Variants in JPH2 observed in about 807,000 individuals in gnomAD.
JPH2 encodes the protein junctophilin-2.
JPH2 carries 38 observed loss-of-function variants against 55.9 expected under a neutral mutation model. The ratio of observed to expected loss-of-function variants is 0.68; its 90% CI spans 0.52 to 0.89. The LOEUF is 0.89. Ranked by LOEUF, JPH2 falls within the 40% of genes least tolerant of loss-of-function variation. The probability of loss-of-function intolerance (pLI) is 0.00; values close to 1 mark genes in which losing one functional copy is unlikely to be tolerated. For missense variants in JPH2, 964 were observed against 1,037.6 expected (o/e 0.93, Z 0.97); for synonymous variants, 480 against 472.4 (o/e 1.02, Z -0.21).
intron 1 of JPH2, among the ~76,000 whole-genome samples, chr20:44,173,844 C>T (rs1298186781): frequency 7.2e-5 from 11 of 152,064 alleles, no homozygotes; most frequent in East Asian, 5.8e-4. Flanking sequence ...ACCCAGGAGA[C>T]GGAGGTTGCA....
At chr20:44,148,194 C>CAAAA (rs1379113901) in intron 2 of JPH2, among the ~76,000 whole-genome samples, 1 of 151,962 alleles carries the variant, frequency 6.6e-6, no homozygotes, top group African/African-American at 2.4e-5. Flanking sequence ...CAAAAACAAA[C>CAAAA]AAAAAAACCT....
intron 1 of JPH2, among the ~76,000 whole-genome samples, chr20:44,179,634 T>A (rs1164694112): frequency 6.6e-6 from 1 of 152,206 alleles, no homozygotes; most frequent in Non-Finnish European, 1.5e-5. Flanking sequence ...GTTGTCCCCA[T>A]CTTAAAATTC....
At position 44,106,904 on chromosome 20, in the gene JPH2, G is replaced by A. The variant is rs1207088047; in HGVS notation, c.*6614C>T. Among the ~76,000 whole-genome samples, 1 of 152,124 alleles carries A rather than the reference G, an allele frequency of 6.6e-6. No individual in the cohort carries two copies. Among genetic ancestry groups the A allele is most frequent in the Non-Finnish European group, 1.5e-5 (1 of 68,022 alleles). ...AGCCAAACCATATCACCCAGTAACA[G>A]AGCAAGGGAGGGGTATAAAAGCCCA... On this transcript the variant is annotated 3_prime_UTR_variant, in exon 6 of 6. Transcript: ENST00000372980.
At position 44,114,814 on chromosome 20, in the gene JPH2, A is replaced by G. The variant is rs6093935; in HGVS notation, c.2073T>C (p.Phe691=). ...ILLNIGLAIL[F]VHLLT ...GCGACGGTCAGGTCAGGAGGTGAAC[A>G]AAGAGGATGGCCAGGCCGATGTTCA... Residue 691 remains phenylalanine, a synonymous_variant, in exon 5 of 6, where the codon TTT becomes TTC. Coordinates refer to ENST00000372980, the MANE Select transcript of JPH2 (RefSeq NM_020433.5). The G allele has an allele frequency of 0.3, 475,432 of 1,604,238 alleles. 75,081 individuals carry two copies. Among genetic ancestry groups the G allele is most frequent in the African/African-American group, 0.46 (34,261 of 74,722 alleles).
intron 1 of JPH2, among the ~76,000 whole-genome samples, chr20:44,164,060 A>G (rs2072636069): frequency 6.6e-6 from 1 of 152,248 alleles, no homozygotes; most frequent in African/African-American, 2.4e-5. Flanking sequence ...TGTTCAGAGA[A>G]GTTATGTGAC....
chr20:44,139,708 T>G (rs2072442068), intron 2 of JPH2, among the ~76,000 whole-genome samples: 1 of 152,182 alleles, frequency 6.6e-6, no homozygotes, highest in Non-Finnish European at 1.5e-5. Context: ...TGGTCAAATA[T>G]TAGCAATTTC....
intron 2 of JPH2, among the ~76,000 whole-genome samples, chr20:44,141,512 G>GTT (rs34441989): frequency 5.5e-4 from 82 of 147,870 alleles, no homozygotes; most frequent in East Asian, 4.0e-3. Flanking sequence ...AGTAGAAGCA[G>GTT]TTTTTTTTTT....
chr20:44,150,658 G>A (rs1423381271), intron 2 of JPH2, among the ~76,000 whole-genome samples: 1 of 152,198 alleles, frequency 6.6e-6, no homozygotes, highest in Admixed American at 6.5e-5. Context: ...ATCAAGACCA[G>A]CCTCTGGCAT....
intron 2 of JPH2, among the ~76,000 whole-genome samples, chr20:44,140,404 C>A (rs2072446849): frequency 6.6e-6 from 1 of 152,150 alleles, no homozygotes; most frequent in South Asian, 2.1e-4. Context: ...GGGGCCTCCA[C>A]CCCTTGGGCC....
intron 1 of JPH2, among the ~76,000 whole-genome samples, chr20:44,169,964 C>A (rs2072685577): frequency 6.6e-6 from 1 of 152,166 alleles, no homozygotes; most frequent in African/African-American, 2.4e-5. Context: ...CCTGATATGA[C>A]CCCTTGACCT....
At chr20:44,175,874 G>T (rs1183971953) in intron 1 of JPH2, among the ~76,000 whole-genome samples, 1 of 152,170 alleles carries the variant, frequency 6.6e-6, no homozygotes, top group Non-Finnish European at 1.5e-5. Context: ...AAGGTCAAGG[G>T]GAGAGGGTCT....
At chr20:44,176,771 G>T (rs1000469245) in intron 1 of JPH2, 86 of 720,404 alleles carry the variant, frequency 1.2e-4, no homozygotes, top group Non-Finnish European at 1.4e-4. Flanking sequence ...TCCAGCCTGG[G>T]TGACAGAGCA....
At chr20:44,155,899 G>T (rs146420650) in intron 2 of JPH2, among the ~76,000 whole-genome samples, 63 of 152,208 alleles carry the variant, frequency 4.1e-4, no homozygotes, top group African/African-American at 1.5e-3. Context: ...AGCCAGGTGT[G>T]GTGGCGCACA....
At chr20:44,134,798 T>A (rs2072392090) in intron 2 of JPH2, among the ~76,000 whole-genome samples, 1 of 99,358 alleles carries the variant, frequency 1.0e-5, no homozygotes, top group Non-Finnish European at 1.9e-5. Flanking sequence ...AAATATACAT[T>A]TATTATAAAT....
intron 2 of JPH2, among the ~76,000 whole-genome samples, chr20:44,143,325 T>A (rs1465764615): frequency 6.6e-6 from 1 of 152,060 alleles, no homozygotes; most frequent in East Asian, 1.9e-4. Context: ...CTACCCCTAG[T>A]TTCCCCCGTA....
At chr20:44,146,794 GC>G (rs2072496845) in intron 2 of JPH2, among the ~76,000 whole-genome samples, 2 of 152,224 alleles carry the variant, frequency 1.3e-5, no homozygotes, top group African/African-American at 4.8e-5. Flanking sequence ...TGGCAAAGAT[GC>G]AAAAGACTGA....
At chr20:44,129,547 T>C (rs2072300782) in intron 2 of JPH2, among the ~76,000 whole-genome samples, 1 of 115,364 alleles carries the variant, frequency 8.7e-6, no homozygotes, top group South Asian at 3.3e-4. Flanking sequence ...AGAGCCAGGC[T>C]GTCTCAAAAA....
At chr20:44,113,852 T>C (rs2072165379) in intron 5 of JPH2, among the ~76,000 whole-genome samples, 1 of 152,214 alleles carries the variant, frequency 6.6e-6, no homozygotes, top group Admixed American at 6.5e-5. Flanking sequence ...CCAGAGCCCC[T>C]GTTGAAACAT....
chr20:44,109,728 G>C lies in JPH2; in HGVS notation c.*3790C>G, dbSNP rs1301454079. On this transcript the variant is annotated 3_prime_UTR_variant, in exon 6 of 6. Transcript: ENST00000372980. ...TATTCTGAGTCACTTATTTGGGGGA[G>C]AGCATCTTCATATCAGTTTTTCAGG... Among the ~76,000 whole-genome samples the C allele has an allele frequency of 1.3e-5, 2 of 152,284 alleles. No homozygotes were observed. The highest frequency in any genetic ancestry group is 1.9e-4 in the East Asian group (1 of 5,178).
Sources: allele counts gnomAD v4.1 joint callset (sites outside exome capture counted in the v4.1 genomes callset), GRCh38; gene constraint gnomAD v4.1.1; transcripts MANE v1.5; gene names NCBI Gene and HGNC (gene_info 2026-07-23, HGNC 2026-07-21).